Variants in NEBL observed in about 807,000 individuals in gnomAD.
The protein encoded by NEBL is LIM and SH3 protein 2.
Under a neutral mutation model 140.2 loss-of-function variants are expected in NEBL, and 122 were observed. The observed-to-expected ratio is 0.87, with a 90% CI of 0.75 to 1.01. The LOEUF is 1.01. Among genes scored for constraint, NEBL ranks in the 50% least tolerant of loss-of-function variants. The probability of loss-of-function intolerance (pLI) is 0.00; values close to 1 mark genes in which losing one functional copy is unlikely to be tolerated. For missense variants in NEBL, 1,365 were observed against 1,231.3 expected, an observed-to-expected ratio of 1.11 and a Z score of -1.62; for synonymous variants, 436 against 398.9, an observed-to-expected ratio of 1.09 and a Z score of -1.11.
intron 2 of NEBL, among the ~76,000 whole-genome samples, chr10:21,157,260 T>C (rs1047191941): frequency 3.9e-5 from 6 of 152,138 alleles, no homozygotes; most frequent in African/African-American, 1.4e-4. Flanking sequence ...TGAGGTGTCA[T>C]TGATATACAA....
At chr10:21,208,765 A>G (rs10828211) in intron 3 of NEBL, among the ~76,000 whole-genome samples, 33,761 of 152,006 alleles carry the variant, frequency 0.22, 6,554 homozygotes, top group African/African-American at 0.53. Context: ...CCCACATTCC[A>G]TGGGCTGGAA....
rs191337023 is a variant in NEBL, at chr10:21,138,578, C to T, written c.164+33805G>A. Among the ~76,000 whole-genome samples, 29 of 151,982 alleles carry T rather than the reference C, an allele frequency of 1.9e-4. No homozygotes were observed. In the East Asian group the frequency reaches 2.7e-3, roughly 14 times the overall value. ...GCAATGGATGAGGACAGAAACACGACAAAAATGGGAAGTGTGAATAATAAA... is the reference window on the plus strand; with the variant it reads ...GCAATGGATGAGGACAGAAACACGATAAAAATGGGAAGTGTGAATAATAAA... On this transcript the variant is annotated intron_variant, in intron 2 of 6. Coordinates refer to the NEBL transcript ENST00000417816.
chr10:21,011,178 G>A (rs1838324375), intron 3 of NEBL, among the ~76,000 whole-genome samples: 1 of 152,198 alleles, frequency 6.6e-6, no homozygotes, highest in South Asian at 2.1e-4. Flanking sequence ...AAAAGGTTAG[G>A]AGTGCCCAAA....
chr10:20,885,684 C>T (rs1174974420), intron 4 of NEBL, among the ~76,000 whole-genome samples: 5 of 152,206 alleles, frequency 3.3e-5, no homozygotes, highest in Non-Finnish European at 4.4e-5. Context: ...AAGTTACCTT[C>T]CCAAGGAAGT....
intron 26 of NEBL, among the ~76,000 whole-genome samples, chr10:20,794,225 A>G (rs1210696930): frequency 6.6e-6 from 1 of 152,208 alleles, no homozygotes; most frequent in Admixed American, 6.5e-5. Context: ...GCTGAGAGGA[A>G]GGAGGAAGTG....
chr10:20,953,481 C>A (rs1004973598), intron 4 of NEBL, among the ~76,000 whole-genome samples: 72 of 151,012 alleles, frequency 4.8e-4, no homozygotes, highest in Admixed American at 1.8e-3. Context: ...TGTTATGGTG[C>A]CTGAGCAGAC....
At chr10:20,975,042 G>A (rs1385681503) in intron 3 of NEBL, among the ~76,000 whole-genome samples, 1 of 152,106 alleles carries the variant, frequency 6.6e-6, no homozygotes, top group Non-Finnish European at 1.5e-5. Context: ...GTCCTTTGCT[G>A]ACTCCAAATG....
intron 2 of NEBL, among the ~76,000 whole-genome samples, chr10:21,105,806 GT>G (rs1564513210): frequency 6.6e-6 from 1 of 152,124 alleles, no homozygotes; most frequent in Non-Finnish European, 1.5e-5. Flanking sequence ...CCCACCAACC[GT>G]GTAAAAGCGT....
intron 4 of NEBL, among the ~76,000 whole-genome samples, chr10:20,949,722 T>G (rs1835364095): frequency 6.6e-6 from 1 of 152,224 alleles, no homozygotes; most frequent in African/African-American, 2.4e-5. Flanking sequence ...TACTGTGGTT[T>G]GATTTCCTTT....
At chr10:21,156,374 G>A (rs963260806) in intron 2 of NEBL, among the ~76,000 whole-genome samples, 1 of 152,216 alleles carries the variant, frequency 6.6e-6, no homozygotes, top group African/African-American at 2.4e-5. Flanking sequence ...CTGATTATGA[G>A]GAGGAAAAGA....
chr10:21,156,554 A>G (rs1344716926), intron 2 of NEBL, among the ~76,000 whole-genome samples: 1 of 151,860 alleles, frequency 6.6e-6, no homozygotes, highest in African/African-American at 2.4e-5. Context: ...ACAAAGCAAG[A>G]CCAACCCATT....
chr10:20,842,852 C>G (rs898576648), intron 12 of NEBL, among the ~76,000 whole-genome samples: 4 of 152,054 alleles, frequency 2.6e-5, no homozygotes, highest in African/African-American at 9.7e-5. Context: ...AACTCTTTGA[C>G]TATCACCTTG....
intron 4 of NEBL, among the ~76,000 whole-genome samples, chr10:20,916,797 A>T (rs962076235): frequency 6.6e-6 from 1 of 152,218 alleles, no homozygotes; most frequent in Non-Finnish European, 1.5e-5. Flanking sequence ...TCCTCAAGGC[A>T]ATAGGCTATT....
intron 20 of NEBL, 43 bp downstream of exon 20, chr10:20,819,381 T>A: frequency 6.2e-7 from 1 of 1,613,392 alleles, no homozygotes; most frequent in Non-Finnish European, 8.5e-7. Flanking sequence ...AATAAAAATA[T>A]GTTATGTTTG....
intron 2 of NEBL, among the ~76,000 whole-genome samples, chr10:21,022,172 AAGCC>A (rs2131776128): frequency 6.6e-6 from 1 of 152,212 alleles, no homozygotes; most frequent in African/African-American, 2.4e-5. Flanking sequence ...ATGGTCACAA[AAGCC>A]ACAGAGCTCA....
chr10:20,987,539 T>C (rs1837303645), intron 3 of NEBL, among the ~76,000 whole-genome samples: 1 of 152,124 alleles, frequency 6.6e-6, no homozygotes, highest in Non-Finnish European at 1.5e-5. Context: ...CCAAACACTA[T>C]ATCCTCCACT....
At chr10:20,833,902 TG>T (rs1840650936) in intron 14 of NEBL, among the ~76,000 whole-genome samples, 1 of 152,120 alleles carries the variant, frequency 6.6e-6, no homozygotes, top group Non-Finnish European at 1.5e-5. Flanking sequence ...ACCACCACTA[TG>T]GGGGTGGCAT....
chr10:20,979,145 C>A (rs528608217), intron 3 of NEBL, among the ~76,000 whole-genome samples: 2 of 151,924 alleles, frequency 1.3e-5, no homozygotes, highest in African/African-American at 4.8e-5. Flanking sequence ...GGACTGGGCA[C>A]GGTGGCTCAC....
At chr10:21,182,921 G>A (rs67467003) in intron 3 of NEBL, among the ~76,000 whole-genome samples, 22,497 of 152,098 alleles carry the variant, frequency 0.15, 1,924 homozygotes, top group East Asian at 0.34. Context: ...TATATTTATA[G>A]CGCCTCTCAA....
Sources: gnomAD v4.1 joint callset for allele counts (sites outside exome capture counted in the v4.1 genomes callset) on GRCh38, gnomAD v4.1.1 for gene constraint, MANE v1.5 for transcripts, NCBI Gene and HGNC (gene_info 2026-07-23, HGNC 2026-07-21) for gene names.